The following VTI1A variants were observed in gnomAD, a reference collection of about 807,000 sequenced individuals.
VTI1A encodes vesicle transport through interaction with t-SNAREs homolog 1A.
Under a neutral mutation model 34.9 loss-of-function variants are expected in VTI1A, and 22 were observed. That is an observed-to-expected ratio of 0.63 (90% CI 0.45 to 0.90). The LOEUF (loss-of-function observed/expected upper bound fraction) is 0.90, where lower values mean the gene tolerates loss of function less well. Ranked by LOEUF, VTI1A falls within the 40% of genes least tolerant of loss-of-function variation. The pLI is 0.00. For synonymous variants in VTI1A, 87 were observed against 97.3 expected, an observed-to-expected ratio of 0.89 and a Z score of 0.62; for missense variants, 268 against 275.6, an observed-to-expected ratio of 0.97 and a Z score of 0.20.
chr10:112,788,634 G>A (rs1021797782), intron 7 of VTI1A, among the ~76,000 whole-genome samples: 1 of 152,074 alleles, frequency 6.6e-6, no homozygotes, highest in Non-Finnish European at 1.5e-5. Context: ...ACATGTACAT[G>A]TTAACATTTA....
intron 7 of VTI1A, among the ~76,000 whole-genome samples, chr10:112,720,793 T>C (rs1428262781): frequency 6.6e-6 from 1 of 152,182 alleles, no homozygotes; most frequent in Non-Finnish European, 1.5e-5. Context: ...GCTTGTCTAA[T>C]TAACTCATTT....
rs1009915252 is a variant in VTI1A, at chr10:112,609,415, A to G, written c.428-58803A>G. On this transcript the variant is annotated intron_variant, in intron 5 of 7. Coordinates refer to ENST00000393077, the MANE Select transcript of VTI1A (RefSeq NM_145206.4). Reference sequence around the variant, plus strand: ...TTTAAAAGTAATTACATTTGTAGTAATGATGAAGAGGATGGGGGAATAATT... The same window carrying G: ...TTTAAAAGTAATTACATTTGTAGTAGTGATGAAGAGGATGGGGGAATAATT... Among the ~76,000 whole-genome samples, 12 of 152,340 alleles carry G rather than the reference A, an allele frequency of 7.9e-5. No homozygotes were observed. The East Asian group carries it at 2.3e-3, about 29-fold the overall frequency.
chr10:112,514,000 A>G (rs1056272094), intron 3 of VTI1A, among the ~76,000 whole-genome samples: 18 of 151,982 alleles, frequency 1.2e-4, no homozygotes, highest in African/African-American at 2.6e-4. Context: ...TCTGGCTTTA[A>G]TATCAGGATA....
chr10:112,595,845 A>G (rs1214781082), intron 5 of VTI1A, among the ~76,000 whole-genome samples: 1 of 152,148 alleles, frequency 6.6e-6, no homozygotes, highest in Non-Finnish European at 1.5e-5. Context: ...TCATGCTGCT[A>G]TAAAGACACA....
intron 7 of VTI1A, among the ~76,000 whole-genome samples, chr10:112,770,161 C>T (rs561575732): frequency 2.0e-5 from 3 of 152,064 alleles, no homozygotes; most frequent in Non-Finnish European, 2.9e-5. Flanking sequence ...CCAACCCACT[C>T]GTATTATGTG....
chr10:112,799,722 A>T (rs765616435), intron 7 of VTI1A, among the ~76,000 whole-genome samples: 1 of 152,112 alleles, frequency 6.6e-6, no homozygotes, highest in Admixed American at 6.5e-5. Flanking sequence ...ACCTGCGCAG[A>T]TCTGATTAAT....
intron 7 of VTI1A, among the ~76,000 whole-genome samples, chr10:112,784,651 G>A (rs1248909650): frequency 6.6e-6 from 1 of 152,140 alleles, no homozygotes; most frequent in Non-Finnish European, 1.5e-5. Context: ...GCAAGTCAGT[G>A]GTGTACTTAG....
At chr10:112,840,915 C>T in the VTI1A span, among the ~76,000 whole-genome samples, 59 of 152,176 alleles carry the variant, frequency 3.9e-4, no homozygotes, top group South Asian at 1.0e-3. Context: ...AGTTGTTAAG[C>T]GGAGAAGACT....
At chr10:112,594,301 T>A (rs1564841060) in intron 5 of VTI1A, among the ~76,000 whole-genome samples, 1 of 152,138 alleles carries the variant, frequency 6.6e-6, no homozygotes, top group Non-Finnish European at 1.5e-5. Flanking sequence ...TTAATATGGA[T>A]CCTTTTTTAA....
intron 5 of VTI1A, among the ~76,000 whole-genome samples, chr10:112,555,063 TATG>T (rs1395646176): frequency 1.3e-5 from 2 of 152,100 alleles, no homozygotes; most frequent in Non-Finnish European, 2.9e-5. Context: ...AAGAGTGTAT[TATG>T]ATAATAATAG....
At chr10:112,701,264 A>G (rs558560969) in intron 7 of VTI1A, among the ~76,000 whole-genome samples, 48 of 152,360 alleles carry the variant, frequency 3.2e-4, no homozygotes, top group Non-Finnish European at 6.0e-4. Flanking sequence ...ACCAACAACT[A>G]GACCATTTAA....
At position 112,758,687 on chromosome 10, in the gene VTI1A, ACTGAG is replaced by A. The variant is rs1042472685; in HGVS notation, c.561-56602_561-56598del. Among the ~76,000 whole-genome samples the A allele has an allele frequency of 3.3e-5, 5 of 152,232 alleles. 1 individual carries two copies. The highest frequency in any genetic ancestry group is 2.6e-4 in the Admixed American group (4 of 15,286). On this transcript the variant is annotated intron_variant, in intron 7 of 7. Transcript: ENST00000393077. The stretch of plus-strand genomic sequence containing the variant: ...TGGCCTTGGGCCATTCCCCTTGCTT[ACTGAG>A]TCTGTTTCCTCTTCTGTAAAAGGAA...
rs1590065448 is a variant in VTI1A at position 112,683,536 on chromosome 10, TA to T, written c.560+14541del. Among the ~76,000 whole-genome samples the T allele has an allele frequency of 5.9e-5, 9 of 152,342 alleles. No homozygotes were observed. The East Asian group carries it at 1.7e-3, about 29-fold the overall frequency. On this transcript the variant is annotated intron_variant, in intron 7 of 7. Transcript: ENST00000393077. ...AAAATAGTAATATTAAAGGAATTTT[TA>T]AATAAAAAAATTGTTTTTAATCCCT...
In VTI1A at chr10:112,564,946, C is replaced by A. The variant is rs78810223; in HGVS notation, c.427+26616C>A. Among the ~76,000 whole-genome samples the A allele has an allele frequency of 0.011, 1,722 of 152,132 alleles. 214 individuals are homozygous for A. In the East Asian group the frequency reaches 0.27, roughly 24 times the overall value. ...AAAATTTCAAATATACATATACTTA[C>A]ATGTATATTTACCTCATTGAATGCT... is the stretch of plus-strand genomic sequence containing the variant. On this transcript the variant is annotated intron_variant, in intron 5 of 7. Coordinates refer to ENST00000393077, the MANE Select transcript of VTI1A (RefSeq NM_145206.4).
intron 5 of VTI1A, among the ~76,000 whole-genome samples, chr10:112,632,334 A>ATGTGGAG (rs1359055627): frequency 3.9e-5 from 6 of 152,156 alleles, no homozygotes; most frequent in African/African-American, 1.4e-4. Context: ...GCTTGAACGT[A>ATGTGGAG]TGTGGAGTTT....
At chr10:112,836,954 A>G in the VTI1A span, among the ~76,000 whole-genome samples, 1 of 152,190 alleles carries the variant, frequency 6.6e-6, no homozygotes, top group Non-Finnish European at 1.5e-5. Context: ...CTATCCCTCC[A>G]AGGATCTTCA....
chr10:112,772,984 C>T (rs948343304), intron 7 of VTI1A, among the ~76,000 whole-genome samples: 3 of 152,284 alleles, frequency 2.0e-5, no homozygotes, highest in Middle Eastern at 3.4e-3. Flanking sequence ...GAGTGTAACT[C>T]GAAAACTCAC....
At chr10:112,536,404 T>C (rs1480794067) in intron 4 of VTI1A, among the ~76,000 whole-genome samples, 1 of 152,180 alleles carries the variant, frequency 6.6e-6, no homozygotes, top group African/African-American at 2.4e-5. Flanking sequence ...ATAGGGAAAC[T>C]TAGGAATAAG....
chr10:112,739,448 C>G (rs1390705808), intron 7 of VTI1A, among the ~76,000 whole-genome samples: 1 of 152,194 alleles, frequency 6.6e-6, no homozygotes, highest in Admixed American at 6.5e-5. Flanking sequence ...TCAAGCCCAG[C>G]TTAAAAAACC....
Sources: allele counts gnomAD v4.1 joint callset (sites outside exome capture counted in the v4.1 genomes callset), GRCh38; gene constraint gnomAD v4.1.1; transcripts MANE v1.5; gene names NCBI Gene and HGNC (gene_info 2026-07-23, HGNC 2026-07-21).